Variants in PARD3B observed in about 807,000 individuals in gnomAD.
The protein encoded by PARD3B is partitioning defective 3 homolog B.
PARD3B carries 103 observed loss-of-function variants against 130.2 expected under a neutral mutation model. The observed-to-expected ratio is 0.79, with a 90% CI of 0.67 to 0.93. The LOEUF (loss-of-function observed/expected upper bound fraction) is 0.93, where lower values mean the gene tolerates loss of function less well. Among genes scored for constraint, PARD3B ranks in the 40% least tolerant of loss-of-function variants. The probability of loss-of-function intolerance (pLI) is 0.00; values close to 1 mark genes in which losing one functional copy is unlikely to be tolerated. For synonymous variants in PARD3B, 583 were observed against 553.2 expected, an observed-to-expected ratio of 1.05 and a Z score of -0.76; for missense variants, 1,609 against 1,499.2, an observed-to-expected ratio of 1.07 and a Z score of -1.21.
At chr2:205,382,543 T>G (rs1344568633) in intron 18 of PARD3B, among the ~76,000 whole-genome samples, 1 of 152,090 alleles carries the variant, frequency 6.6e-6, no homozygotes. Context: ...GCAAATATCC[T>G]GTTTCTTTTC....
At chr2:204,750,105 G>C (rs967808844) in intron 2 of PARD3B, among the ~76,000 whole-genome samples, 1 of 152,140 alleles carries the variant, frequency 6.6e-6, no homozygotes, top group Non-Finnish European at 1.5e-5. Context: ...CTTTGAAAAA[G>C]TTTCTGATGT....
chr2:204,551,519 T>G (rs563892324), intron 1 of PARD3B, among the ~76,000 whole-genome samples: 1 of 152,318 alleles, frequency 6.6e-6, no homozygotes, highest in East Asian at 1.9e-4. Flanking sequence ...CATTTGAGTT[T>G]GTGCTCCTGG....
In PARD3B at chr2:205,589,532, T is replaced by G. The variant is rs2054310129; in HGVS notation, c.3261-25924T>G. Reference sequence around the variant, plus strand: ...TCTGTGTCTGGAAGTAGGAGCAGGCTGGAAGAGATGGGCACAGTGGAAGTC... The same window carrying G: ...TCTGTGTCTGGAAGTAGGAGCAGGCGGGAAGAGATGGGCACAGTGGAAGTC... On this transcript the variant is annotated intron_variant, in intron 22 of 22. Transcript: ENST00000406610. This position sits in a 1 kb window ranked among gnomAD's most constrained non-coding sequence, Gnocchi z 4.1. Among the ~76,000 whole-genome samples, 1 of 152,196 alleles carries G rather than the reference T, an allele frequency of 6.6e-6. No homozygotes were observed. Among genetic ancestry groups the G allele is most frequent in the Non-Finnish European group, 1.5e-5 (1 of 68,040 alleles).
chr2:204,640,210 C>A (rs745311096), intron 1 of PARD3B, among the ~76,000 whole-genome samples: 1 of 152,066 alleles, frequency 6.6e-6, no homozygotes, highest in South Asian at 2.1e-4. Context: ...GAGCAGTGAT[C>A]GCACCACTGC....
At chr2:204,743,444 T>C (rs1280493602) in intron 2 of PARD3B, among the ~76,000 whole-genome samples, 1 of 152,152 alleles carries the variant, frequency 6.6e-6, no homozygotes, top group African/African-American at 2.4e-5. Flanking sequence ...AGAGGACATG[T>C]ACATATCTTG....
At chr2:205,143,407 A>G (rs1559481152) in intron 10 of PARD3B, among the ~76,000 whole-genome samples, 2 of 152,184 alleles carry the variant, frequency 1.3e-5, no homozygotes, top group African/African-American at 2.4e-5. Context: ...TTTGAAGCAT[A>G]CTTAACTTTG....
chr2:204,711,497 A>G (rs112283800), intron 2 of PARD3B, among the ~76,000 whole-genome samples: 2,426 of 152,278 alleles, frequency 0.016, 65 homozygotes, highest in African/African-American at 0.055. Context: ...TTACAACTGC[A>G]TATTGTCTCA....
intron 3 of PARD3B, among the ~76,000 whole-genome samples, chr2:204,977,729 G>A (rs1329378319): frequency 3.3e-5 from 5 of 150,404 alleles, no homozygotes; most frequent in Non-Finnish European, 7.4e-5. Context: ...GGAGAATGGC[G>A]TGAGCCCGGG....
In PARD3B at chr2:205,617,986, G is replaced by A. The variant is rs564520085; in HGVS notation, c.*2173G>A. On this transcript the variant is annotated 3_prime_UTR_variant, in exon 23 of 23. Coordinates refer to ENST00000406610, the MANE Select transcript of PARD3B (RefSeq NM_001302769.2). ...TGATGGTGTCAGGTGAGAATCCTGT[G>A]TCTTGAAGGAGTGGCCTTTACAGGA... 6.6e-6 allele frequency: 1 copy of A among 152,378 alleles called. No individual in the cohort carries two copies. The highest frequency in any genetic ancestry group is 1.9e-4 in the East Asian group (1 of 5,184). The allele number at this position is 152,378 out of a possible 1,614,324, so 9.4% of individuals were successfully genotyped here.
intron 2 of PARD3B, among the ~76,000 whole-genome samples, chr2:204,732,265 G>C (rs1267314326): frequency 3.9e-5 from 6 of 152,058 alleles, no homozygotes; most frequent in Admixed American, 6.6e-5. Context: ...ACCACTCCTA[G>C]AACACGCTTG....
intron 21 of PARD3B, among the ~76,000 whole-genome samples, chr2:205,535,173 T>G (rs898265934): frequency 6.6e-6 from 1 of 152,202 alleles, no homozygotes; most frequent in African/African-American, 2.4e-5. Flanking sequence ...ACCTGCGAAC[T>G]CTGCATGAAT....
intron 2 of PARD3B, among the ~76,000 whole-genome samples, chr2:204,700,991 C>T (rs13006166): frequency 0.032 from 4,862 of 151,996 alleles, 105 homozygotes; most frequent in Non-Finnish European, 0.049. Flanking sequence ...CAGGAGTAGT[C>T]ATTATTAAAA....
intron 20 of PARD3B, among the ~76,000 whole-genome samples, chr2:205,451,677 TTATG>T (rs1232222818): frequency 2.1e-5 from 3 of 145,626 alleles, no homozygotes; most frequent in Admixed American, 1.4e-4. Flanking sequence ...ATTTTTGTGA[TTATG>T]TAATAGGTAT....
At chr2:204,987,616 T>G (rs1253299994) in intron 3 of PARD3B, among the ~76,000 whole-genome samples, 1 of 152,220 alleles carries the variant, frequency 6.6e-6, no homozygotes, top group East Asian at 1.9e-4. Flanking sequence ...CAGTCAATAA[T>G]TATTTGCTGA....
intron 20 of PARD3B, among the ~76,000 whole-genome samples, chr2:205,485,950 A>T (rs2049423106): frequency 6.6e-6 from 1 of 152,146 alleles, no homozygotes. Context: ...TAATTGCCAC[A>T]TTGCACTGTC....
intron 16 of PARD3B, among the ~76,000 whole-genome samples, chr2:205,271,786 A>G (rs112287784): frequency 6.6e-6 from 1 of 152,234 alleles, no homozygotes; most frequent in East Asian, 1.9e-4. Context: ...AAAAGAAAAC[A>G]TATCAGACTT....
At chr2:205,233,283 T>C (rs1354925256) in intron 15 of PARD3B, among the ~76,000 whole-genome samples, 1 of 152,076 alleles carries the variant, frequency 6.6e-6, no homozygotes, top group East Asian at 1.9e-4. Context: ...AAAAATATTT[T>C]TCTAAAACAA....
intron 2 of PARD3B, among the ~76,000 whole-genome samples, chr2:204,740,290 G>A (rs1020776605): frequency 2.6e-5 from 4 of 151,998 alleles, no homozygotes; most frequent in Non-Finnish European, 5.9e-5. Context: ...CCAAAGGGCT[G>A]GAATTACAAG....
At chr2:204,894,798 A>G (rs942795077) in intron 2 of PARD3B, among the ~76,000 whole-genome samples, 4 of 152,114 alleles carry the variant, frequency 2.6e-5, no homozygotes, top group Middle Eastern at 3.2e-3. Context: ...TTTAAAATAT[A>G]TGTTTATAGA....
Sources: gnomAD v4.1 joint callset for allele counts (sites outside exome capture counted in the v4.1 genomes callset) on GRCh38, gnomAD v4.1.1 for gene constraint, Gnocchi (gnomAD v3.1) non-coding constraint, MANE v1.5 for transcripts, NCBI Gene and HGNC (gene_info 2026-07-23, HGNC 2026-07-21) for gene names.